AZIN1: variants seen among roughly 807,000 people sequenced by gnomAD.
The protein encoded by AZIN1 is ornithine decarboxylase antizyme inhibitor.
Under a neutral mutation model 47.4 loss-of-function variants are expected in AZIN1, and 12 were observed. The ratio of observed to expected loss-of-function variants is 0.25; its 90% CI spans 0.16 to 0.41. The LOEUF (loss-of-function observed/expected upper bound fraction) is 0.41. AZIN1 is among the 10% of genes least tolerant of loss of function. AZIN1 has a pLI of 1.00. For missense variants in AZIN1, 410 were observed against 532.4 expected, an observed-to-expected ratio of 0.77 and a Z score of 2.26; for synonymous variants, 155 against 176.3, an observed-to-expected ratio of 0.88 and a Z score of 0.96.
chr8:102,863,463 G>C (rs1042899651), intron 1 of AZIN1, among the ~76,000 whole-genome samples: 1 of 151,634 alleles, frequency 6.6e-6, no homozygotes, highest in Non-Finnish European at 1.5e-5. Context: ...CGGGAGAGGG[G>C]TGGGGGCCGC....
intron 3 of AZIN1, among the ~76,000 whole-genome samples, chr8:102,842,928 GA>G (rs2131236432): frequency 6.7e-6 from 1 of 148,918 alleles, no homozygotes; most frequent in East Asian, 2.0e-4. Context: ...CAAAAAAAAA[GA>G]ATTGAGGCTG....
intron 1 of AZIN1, among the ~76,000 whole-genome samples, chr8:102,859,698 T>A (rs1382782685): frequency 6.6e-6 from 1 of 152,132 alleles, no homozygotes; most frequent in East Asian, 1.9e-4. Context: ...CAGCTGGGCA[T>A]GGCGGTGCAC....
chr8:102,851,040 CT>C (rs1284896353), intron 2 of AZIN1, among the ~76,000 whole-genome samples: 14 of 152,294 alleles, frequency 9.2e-5, no homozygotes, highest in African/African-American at 3.4e-4. Context: ...CACAATTAGA[CT>C]CCCTTAAAAA....
At chr8:102,863,160 G>A (rs1396366781) in intron 1 of AZIN1, among the ~76,000 whole-genome samples, 1 of 152,218 alleles carries the variant, frequency 6.6e-6, no homozygotes, top group African/African-American at 2.4e-5. Flanking sequence ...TGACACCGGG[G>A]CTTCCCCGCC....
At chr8:102,834,566 A>T in intron 7 of AZIN1, 100 bp downstream of exon 7, 1 of 866,918 alleles carries the variant, frequency 1.2e-6, no homozygotes. Context: ...GTCACGTTGA[A>T]TGTAGTCAGA....
intron 9 of AZIN1, among the ~76,000 whole-genome samples, chr8:102,830,503 T>C (rs1811377058): frequency 6.6e-6 from 1 of 151,552 alleles, no homozygotes; most frequent in South Asian, 2.1e-4. Flanking sequence ...GGAAAAACAC[T>C]TTTTAGTTTC....
At chr8:102,851,123 T>C (rs1298329912) in intron 2 of AZIN1, among the ~76,000 whole-genome samples, 2 of 152,232 alleles carry the variant, frequency 1.3e-5, no homozygotes, top group Non-Finnish European at 2.9e-5. Flanking sequence ...AGTGTGTGTG[T>C]ACCTGCACTC....
At chr8:102,850,937 T>C (rs1462685381) in intron 2 of AZIN1, among the ~76,000 whole-genome samples, 1 of 152,184 alleles carries the variant, frequency 6.6e-6, no homozygotes, top group Non-Finnish European at 1.5e-5. Context: ...GACTGCCCAA[T>C]GAACTGCCTC....
chr8:102,859,025 A>G (rs1563551934), intron 1 of AZIN1: 2 of 152,242 alleles, frequency 1.3e-5, no homozygotes, highest in Admixed American at 1.3e-4. Flanking sequence ...ACCAGAAATT[A>G]TAAAGTCAAG....
chr8:102,860,370 C>T (rs530046656), intron 1 of AZIN1, among the ~76,000 whole-genome samples: 1 of 152,342 alleles, frequency 6.6e-6, no homozygotes, highest in East Asian at 1.9e-4. Context: ...TCAAGCAATT[C>T]TCCTGCCTCA....
chr8:102,835,038 A>G (rs1563532598), intron 6 of AZIN1: 1 of 249,900 alleles, frequency 4.0e-6, no homozygotes, highest in Non-Finnish European at 7.7e-6. Flanking sequence ...GCTTTTATGT[A>G]TATGTGGCAC....
intron 5 of AZIN1, 196 bp from the exon 6 acceptor site, chr8:102,836,586 T>C: frequency 1.8e-6 from 1 of 562,528 alleles, no homozygotes; most frequent in Non-Finnish European, 3.1e-6. Flanking sequence ...AGCATGAAGC[T>C]TACAAGGATG....
chr8:102,847,352 A>G (rs1208723582), intron 2 of AZIN1, among the ~76,000 whole-genome samples: 1 of 45,568 alleles, frequency 2.2e-5, no homozygotes, highest in Non-Finnish European at 4.1e-5. Flanking sequence ...CCATCTCTTA[A>G]AAAAAAAAAA....
At chr8:102,860,069 C>T (rs1016497548) in intron 1 of AZIN1, among the ~76,000 whole-genome samples, 5 of 151,904 alleles carry the variant, frequency 3.3e-5, no homozygotes, top group African/African-American at 1.2e-4. Context: ...AATGTTTATC[C>T]GGACAGTTAG....
chr8:102,858,179 G>C, intron 1 of AZIN1, 29 bp from the exon 2 acceptor site: 1 of 398,672 alleles, frequency 2.5e-6, no homozygotes, highest in Non-Finnish European at 4.4e-6. Context: ...AGTAGCAGAA[G>C]ATAGTCCTAT....
intron 2 of AZIN1, among the ~76,000 whole-genome samples, chr8:102,853,332 G>T (rs954567031): frequency 3.3e-5 from 5 of 152,216 alleles, no homozygotes; most frequent in Non-Finnish European, 4.4e-5. Context: ...GTGAAACCCT[G>T]TCTCTACTAG....
intron 3 of AZIN1, among the ~76,000 whole-genome samples, chr8:102,841,295 T>C (rs1812162376): frequency 6.6e-6 from 1 of 152,160 alleles, no homozygotes; most frequent in African/African-American, 2.4e-5. Context: ...GTGGACTGAA[T>C]GACTTAGAGA....
chr8:102,830,779 C>G (rs918934114), intron 9 of AZIN1, among the ~76,000 whole-genome samples: 1 of 152,170 alleles, frequency 6.6e-6, no homozygotes, highest in Non-Finnish European at 1.5e-5. Flanking sequence ...AACTTAAAGA[C>G]TGACACTACA....
intron 8 of AZIN1, 58 bp from the exon 9 acceptor site, chr8:102,833,276 T>C: frequency 2.0e-6 from 3 of 1,504,052 alleles, no homozygotes; most frequent in Non-Finnish European, 2.7e-6. Flanking sequence ...ATTCGCAATA[T>C]TCAGAGATTG....
Sources: allele counts gnomAD v4.1 joint callset (sites outside exome capture counted in the v4.1 genomes callset), GRCh38; gene constraint gnomAD v4.1.1; transcripts MANE v1.5; gene names NCBI Gene and HGNC (gene_info 2026-07-23, HGNC 2026-07-21).